Variants in RHBDD1 observed in about 807,000 individuals in gnomAD.
RHBDD1 encodes rhomboid-related protein 4.
A neutral mutation model predicts 36.3 loss-of-function variants in RHBDD1; 38 were observed. The ratio of observed to expected loss-of-function variants is 1.05; its 90% CI spans 0.81 to 1.37. The LOEUF (loss-of-function observed/expected upper bound fraction) is 1.37. Ranked by LOEUF, RHBDD1 falls within the 40% of genes most tolerant of loss-of-function variation. The pLI is 0.00. For missense variants in RHBDD1, 393 were observed against 377.6 expected (o/e 1.04, Z -0.34); for synonymous variants, 151 against 136.5 (o/e 1.11, Z -0.74).
intron 8 of RHBDD1, among the ~76,000 whole-genome samples, chr2:226,919,958 C>T (rs1356884102): frequency 5.3e-5 from 8 of 151,850 alleles, no homozygotes; most frequent in East Asian, 3.8e-4. Flanking sequence ...TCCATGAACA[C>T]GGAATATGTT....
chr2:226,825,438 C>A, the RHBDD1 span, among the ~76,000 whole-genome samples: 1 of 151,894 alleles, frequency 6.6e-6, no homozygotes, highest in Admixed American at 6.6e-5. Context: ...CAGCTGTAAA[C>A]CAAATTTAAT....
chr2:226,962,449 A>G (rs1952279804), intron 8 of RHBDD1, among the ~76,000 whole-genome samples: 1 of 152,278 alleles, frequency 6.6e-6, no homozygotes, highest in Admixed American at 6.5e-5. Flanking sequence ...CAGAACTGTG[A>G]AAAGGAGACC....
At chr2:226,926,944 T>C (rs1469935411) in intron 8 of RHBDD1, among the ~76,000 whole-genome samples, 1 of 152,194 alleles carries the variant, frequency 6.6e-6, no homozygotes, top group African/African-American at 2.4e-5. Context: ...GGGTTCCTTG[T>C]TAATATTTTT....
At chr2:226,866,289 C>G (rs1444230951) in intron 4 of RHBDD1, among the ~76,000 whole-genome samples, 1 of 152,158 alleles carries the variant, frequency 6.6e-6, no homozygotes, top group Non-Finnish European at 1.5e-5. Flanking sequence ...CCAGGATGGT[C>G]TCTATCTCTT....
At chr2:226,935,342 A>G (rs1255717169) in intron 8 of RHBDD1, 5 of 152,178 alleles carry the variant, frequency 3.3e-5, no homozygotes, top group Non-Finnish European at 7.4e-5. Context: ...ATAGGGACCA[A>G]TTGAGATACG....
chr2:226,967,330 G>C (rs1329170142), intron 8 of RHBDD1, among the ~76,000 whole-genome samples: 1 of 152,128 alleles, frequency 6.6e-6, no homozygotes, highest in Non-Finnish European at 1.5e-5. Flanking sequence ...TTAATAAAGA[G>C]ATTATATAAA....
intron 5 of RHBDD1, among the ~76,000 whole-genome samples, chr2:226,894,777 G>A (rs748849316): frequency 2.6e-5 from 4 of 152,140 alleles, no homozygotes; most frequent in Non-Finnish European, 5.9e-5. Context: ...GAAAGTCACC[G>A]GATTAAGTAG....
intron 8 of RHBDD1, among the ~76,000 whole-genome samples, chr2:226,955,152 C>A (rs551800103): frequency 2.4e-4 from 36 of 152,226 alleles, no homozygotes; most frequent in African/African-American, 8.7e-4. Context: ...GATGCCCTGC[C>A]TGGCTCTGCC....
chr2:226,992,784 G>C (rs1210341035), intron 8 of RHBDD1, among the ~76,000 whole-genome samples: 1 of 152,174 alleles, frequency 6.6e-6, no homozygotes, highest in Non-Finnish European at 1.5e-5. Flanking sequence ...AACACTTGCG[G>C]TGTGAGAACC....
intron 5 of RHBDD1, among the ~76,000 whole-genome samples, chr2:226,891,243 T>A (rs1246440382): frequency 6.6e-6 from 1 of 152,132 alleles, no homozygotes; most frequent in African/African-American, 2.4e-5. Context: ...CTCCTGTGGT[T>A]GTGGGAGGAA....
At chr2:226,895,931 A>T (rs1574997487) in intron 5 of RHBDD1, 1 of 514,084 alleles carries the variant, frequency 1.9e-6, no homozygotes, top group Non-Finnish European at 2.5e-6. Context: ...AAACACTATT[A>T]TAAGAAGTTT....
At chr2:226,896,357 C>T (rs1048434019) in intron 5 of RHBDD1, among the ~76,000 whole-genome samples, 2 of 152,200 alleles carry the variant, frequency 1.3e-5, no homozygotes, top group Non-Finnish European at 2.9e-5. Flanking sequence ...TTCTTCCTTT[C>T]CCTCACCCTC....
intron 3 of RHBDD1, among the ~76,000 whole-genome samples, chr2:226,864,174 T>A (rs367570853): frequency 1.3e-5 from 2 of 152,198 alleles, no homozygotes; most frequent in South Asian, 2.1e-4. Context: ...TTAAAAACTT[T>A]GGAGCAAACT....
At chr2:226,931,553 A>G (rs1950033157) in intron 8 of RHBDD1, among the ~76,000 whole-genome samples, 1 of 152,036 alleles carries the variant, frequency 6.6e-6, no homozygotes, top group South Asian at 2.1e-4. Flanking sequence ...AATGTACACT[A>G]CTTGGGTGAT....
intron 3 of RHBDD1, among the ~76,000 whole-genome samples, chr2:226,842,896 C>T (rs779663314): frequency 1.8e-4 from 28 of 152,284 alleles, no homozygotes; most frequent in Non-Finnish European, 3.5e-4. Context: ...TATTGATTCT[C>T]TCTGTTCATG....
chr2:226,875,876 T>C (rs1303227867), intron 5 of RHBDD1, among the ~76,000 whole-genome samples: 1 of 152,210 alleles, frequency 6.6e-6, no homozygotes, highest in African/African-American at 2.4e-5. Flanking sequence ...AGACTTCAGC[T>C]CATGTGGTGT....
At chr2:226,899,809 A>G (rs1160700427) in intron 5 of RHBDD1, among the ~76,000 whole-genome samples, 3 of 152,226 alleles carry the variant, frequency 2.0e-5, no homozygotes, top group East Asian at 1.9e-4. Context: ...TGAAAGAACT[A>G]TGAAACATTG....
intron 8 of RHBDD1, among the ~76,000 whole-genome samples, chr2:226,947,855 A>G (rs1951100242): frequency 6.6e-6 from 1 of 152,206 alleles, no homozygotes; most frequent in Non-Finnish European, 1.5e-5. Flanking sequence ...TGCAAATCAA[A>G]ACCACTATGA....
At chr2:226,904,877 G>C (rs1320763342) in intron 5 of RHBDD1, among the ~76,000 whole-genome samples, 2 of 152,068 alleles carry the variant, frequency 1.3e-5, no homozygotes, top group African/African-American at 2.4e-5. Context: ...TGTGATTGCC[G>C]TGGCTCAGCA....
Sources: gnomAD v4.1 joint callset for allele counts (sites outside exome capture counted in the v4.1 genomes callset) on GRCh38, gnomAD v4.1.1 for gene constraint, MANE v1.5 for transcripts, NCBI Gene and HGNC (gene_info 2026-07-23, HGNC 2026-07-21) for gene names.